Variants in NRDC observed in about 807,000 individuals in gnomAD.
NRDC encodes the protein nardilysin.
A neutral mutation model predicts 147.1 loss-of-function variants in NRDC; 54 were observed. That is an observed-to-expected ratio of 0.37 (90% confidence interval 0.29 to 0.46). The LOEUF is 0.46. Among genes scored for constraint, NRDC ranks in the 20% least tolerant of loss-of-function variants. NRDC has a pLI of 1.00. For missense variants in NRDC, 1,082 were observed against 1,370.6 expected, an observed-to-expected ratio of 0.79 and a Z score of 3.33; for synonymous variants, 440 against 482.1, an observed-to-expected ratio of 0.91 and a Z score of 1.14.
chr1:51,819,960 A>G, intron 8 of NRDC, 87 bp from the exon 9 acceptor site: 1 of 1,001,536 alleles, frequency 1.0e-6, no homozygotes, highest in Non-Finnish European at 1.5e-6. Flanking sequence ...AGAGATATTT[A>G]TAATCTATTC....
intron 1 of NRDC, among the ~76,000 whole-genome samples, chr1:51,841,216 C>T (rs1681249952): frequency 6.6e-6 from 1 of 152,152 alleles, no homozygotes; most frequent in Non-Finnish European, 1.5e-5. Flanking sequence ...GCATGTGCCA[C>T]CATCTCAAGC....
intron 1 of NRDC, among the ~76,000 whole-genome samples, chr1:51,873,169 C>T (rs1683162447): frequency 6.8e-6 from 1 of 147,106 alleles, no homozygotes; most frequent in African/African-American, 2.5e-5. Context: ...CCATCCAATA[C>T]AAAAAAAAAA....
intron 1 of NRDC, among the ~76,000 whole-genome samples, chr1:51,847,578 A>G (rs1360764640): frequency 6.6e-6 from 1 of 152,178 alleles, no homozygotes; most frequent in African/African-American, 2.4e-5. Flanking sequence ...GTGGGCTGGC[A>G]CTGCTGGGTG....
intron 4 of NRDC, among the ~76,000 whole-genome samples, chr1:51,832,973 A>T (rs1680784991): frequency 6.6e-6 from 1 of 152,232 alleles, no homozygotes; most frequent in African/African-American, 2.4e-5. Context: ...TTTATAAATT[A>T]TGTAAGTTAA....
chr1:51,794,938 CT>C, intron 22 of NRDC, 84 bp from the exon 23 acceptor site: 2 of 1,595,258 alleles, frequency 1.3e-6, no homozygotes, highest in Non-Finnish European at 1.7e-6. Context: ...GTTCCAATTG[CT>C]TGGGGAGCCC....
intron 14 of NRDC, among the ~76,000 whole-genome samples, chr1:51,812,483 G>A (rs970564825): frequency 6.6e-6 from 1 of 151,864 alleles, no homozygotes; most frequent in Non-Finnish European, 1.5e-5. Context: ...AGCTGAGATC[G>A]TGCCACCATA....
intron 1 of NRDC, among the ~76,000 whole-genome samples, chr1:51,849,708 C>A (rs1397952007): frequency 1.3e-5 from 2 of 148,612 alleles, no homozygotes; most frequent in Non-Finnish European, 3.0e-5. Context: ...CCCAGCTACC[C>A]GGGAGGCTGA....
At chr1:51,862,862 T>G (rs919176132) in intron 1 of NRDC, among the ~76,000 whole-genome samples, 9 of 149,462 alleles carry the variant, frequency 6.0e-5, no homozygotes, top group African/African-American at 2.2e-4. Context: ...ATACAAAAAT[T>G]AGCCAGGTGT....
At chr1:51,800,754 T>C in intron 20 of NRDC, 71 bp from the exon 21 acceptor site, 2 of 1,515,962 alleles carry the variant, frequency 1.3e-6, no homozygotes, top group Non-Finnish European at 1.8e-6. Context: ...GAAATGTTTC[T>C]CTTTGGTTTT....
rs549117425 is a variant in NRDC at position 51,875,325 on chromosome 1, G to A, written c.341+2950C>T. ...GGGAGGGTTATTGAAAAACACTGCT[G>A]TTCTAACCAACCCCCTTCGTTTTTA... On this transcript the variant is annotated intron_variant, in intron 1 of 30. Coordinates refer to ENST00000352171, the MANE Select transcript of NRDC (RefSeq NM_001101662.2). Among the ~76,000 whole-genome samples, 7 of 152,264 alleles carry A rather than the reference G, an allele frequency of 4.6e-5. No homozygotes were observed. The South Asian group carries it at 1.5e-3, about 32-fold the overall frequency.
rs1236958200 is a variant in NRDC at position 51,791,564 on chromosome 1, A to C, written c.2960+14T>G. The C allele has an allele frequency of 6.3e-7, 1 of 1,579,498 alleles. No homozygotes were observed. Among genetic ancestry groups the C allele is most frequent in the Admixed American group, 1.7e-5 (1 of 59,948 alleles). On this transcript the variant is annotated intron_variant, in intron 27 of 30. Transcript: ENST00000352171. ...CATAATAGGTTACACTCATCTATTC[A>C]CTCACTCACTCACTTGTATTTGGTT...
rs750441004 is a variant in NRDC, at chr1:51,789,290, G to C, written c.3402C>G (p.Ile1134Met). ...GGTTGAGTGTTGTTGTGAAAGCCCT[G>C]ATATCAGTAATGGGGATGATACAAT... ...LADCIIPITD[I>M]RAFTTTLNLL... is the part of the protein sequence containing the mutation. Residue 1134 changes from isoleucine (I) to methionine (M), a missense_variant, in exon 31 of 31, where the codon ATC (isoleucine) becomes ATG (methionine). Around this residue, in one of 3 missense-constraint regions of NRDC, gnomAD observed 187 missense variants for 193.6 expected, o/e 0.97. Coordinates refer to ENST00000352171, the MANE Select transcript of NRDC (RefSeq NM_001101662.2). 1.9e-5 allele frequency: 31 copies of C among 1,614,058 alleles called. No individual in the cohort carries two copies. The highest frequency in any genetic ancestry group is 2.7e-5 in the African/African-American group (2 of 74,916).
intron 1 of NRDC, among the ~76,000 whole-genome samples, chr1:51,870,683 C>T (rs554782642): frequency 2.0e-5 from 3 of 152,082 alleles, no homozygotes; most frequent in Non-Finnish European, 2.9e-5. Context: ...GATATTTTCT[C>T]GTCTCTCTAA....
chr1:51,853,400 A>T (rs552993388), intron 1 of NRDC, among the ~76,000 whole-genome samples: 1,956 of 152,210 alleles, frequency 0.013, 44 homozygotes, highest in African/African-American at 0.045. Flanking sequence ...CTGCTCTCTA[A>T]ACATGTCAGA....
rs1680521739 is a variant in NRDC, at chr1:51,828,043, CT to C, written c.867-175del. The stretch of plus-strand genomic sequence containing the variant: ...AACTAATATCTACATGTTACTTTAA[CT>C]TTTTCATTGTGAAATATATTTAATA... On this transcript the variant is annotated intron_variant, in intron 4 of 30. Coordinates refer to ENST00000352171, the MANE Select transcript of NRDC (RefSeq NM_001101662.2). 2.0e-5 allele frequency among the ~76,000 whole-genome samples: 3 copies of C among 152,286 alleles called. No individual in the cohort carries two copies. The South Asian group carries it at 6.2e-4, about 32-fold the overall frequency.
chr1:51,835,936 A>G (rs745348191), intron 3 of NRDC, among the ~76,000 whole-genome samples, 195 bp downstream of exon 3: 1 of 152,228 alleles, frequency 6.6e-6, no homozygotes, highest in Non-Finnish European at 1.5e-5. Flanking sequence ...GTGTGGTTTC[A>G]TTCTAACTCT....
At chr1:51,790,811 C>A in intron 28 of NRDC, 89 bp downstream of exon 28, 1 of 1,151,680 alleles carries the variant, frequency 8.7e-7, no homozygotes, top group Non-Finnish European at 1.3e-6. Flanking sequence ...GGCTGCAAAG[C>A]TCAAAAACTG....
Position 51,789,281 on chromosome 1 carries a change from G to A in NRDC, c.3411C>T (p.Phe1137=). 1 of 1,614,108 alleles carries A rather than the reference G, an allele frequency of 6.2e-7. No individual in the cohort carries two copies. The highest frequency in any genetic ancestry group is 8.5e-7 in the Non-Finnish European group (1 of 1,179,978). The part of the protein sequence containing the change: ...CIIPITDIRA[F]TTTLNLLPYH... ...AGGGGAGAAGGTTGAGTGTTGTTGTGAAAGCCCTGATATCAGTAATGGGGA... is the reference window on the plus strand; with the variant it reads ...AGGGGAGAAGGTTGAGTGTTGTTGTAAAAGCCCTGATATCAGTAATGGGGA... The change falls in exon 31 of 31, where the codon TTC becomes TTT. Residue 1137 remains phenylalanine (F), a synonymous_variant. Transcript: ENST00000352171.
intron 1 of NRDC, among the ~76,000 whole-genome samples, chr1:51,863,074 A>G (rs139628148): frequency 1.3e-5 from 2 of 151,622 alleles, no homozygotes; most frequent in East Asian, 3.9e-4. Flanking sequence ...AATTTAAAAC[A>G]AAGTATCACA....
Sources: allele counts gnomAD v4.1 joint callset (sites outside exome capture counted in the v4.1 genomes callset), GRCh38; gene constraint gnomAD v4.1.1; regional missense constraint gnomAD v4.1.1; transcripts MANE v1.5; gene names NCBI Gene and HGNC (gene_info 2026-07-23, HGNC 2026-07-21).